CNKSR2: variants seen among roughly 807,000 people sequenced by gnomAD.
CNKSR2 encodes the protein connector enhancer of kinase suppressor of Ras 2, also known as CNK homolog protein 2.
In CNKSR2, 14 loss-of-function variants were observed where a neutral mutation model predicts 84.4. That is an observed-to-expected ratio of 0.17 (90% CI 0.11 to 0.26). The LOEUF (loss-of-function observed/expected upper bound fraction) is 0.26. Ranked by LOEUF, CNKSR2 falls within the 10% of genes least tolerant of loss-of-function variation. The pLI is 1.00. For missense variants in CNKSR2, 485 were observed against 771.2 expected (o/e 0.63, Z 4.40); for synonymous variants, 275 against 277.9 (o/e 0.99, Z 0.10).
At chrX:21,600,232 T>C (rs762674354) in intron 17 of CNKSR2, among the ~76,000 whole-genome samples, 18 of 112,299 alleles carry the variant, frequency 1.6e-4, no homozygotes, top group African/African-American at 5.5e-4. Context: ...TTGGCATAAA[T>C]GATGAAATAT....
At position 21,535,981 on chromosome X, in the gene CNKSR2, C is replaced by T. The variant is rs1418097565; in HGVS notation, c.1303+3914C>T. 3.6e-5 allele frequency among the ~76,000 whole-genome samples: 4 copies of T among 111,455 alleles called. No homozygotes were observed. In the East Asian group the frequency reaches 8.4e-4, roughly 24 times the overall value. On this transcript the variant is annotated intron_variant, in intron 11 of 21. Transcript: ENST00000379510. ...AAAAAGCTTTCCACTTTTCTCCATT[C>T]AATATAATGTTAGCTGTGGGATTGT...
intron 19 of CNKSR2, among the ~76,000 whole-genome samples, chrX:21,607,564 G>A (rs2092525111): frequency 9.0e-6 from 1 of 111,525 alleles, no homozygotes. Context: ...AGCACTTTGG[G>A]AGGCCAAGGC....
chrX:21,415,843 C>T (rs944538646), intron 1 of CNKSR2, among the ~76,000 whole-genome samples: 3 of 96,557 alleles, frequency 3.1e-5, no homozygotes, highest in African/African-American at 8.2e-5. Context: ...TACACACACA[C>T]ACACACACAC....
At chrX:21,580,538 TTAAAG>T (rs1349042458) in intron 13 of CNKSR2, among the ~76,000 whole-genome samples, 8 of 111,963 alleles carry the variant, frequency 7.1e-5, no homozygotes, top group South Asian at 3.6e-4. Context: ...AAAAATAAAG[TTAAAG>T]TAATCAGAAA....
intron 4 of CNKSR2, among the ~76,000 whole-genome samples, chrX:21,454,694 G>A (rs887344575): frequency 2.5e-4 from 28 of 111,998 alleles, no homozygotes; most frequent in Admixed American, 2.3e-3. Flanking sequence ...CCTGTGTGTC[G>A]CACTCACTGT....
At chrX:21,643,660 A>G (rs2092698354) in intron 20 of CNKSR2, 1 of 111,990 alleles carries the variant, frequency 8.9e-6, no homozygotes, top group South Asian at 3.7e-4. Context: ...TTCTTTACTC[A>G]GAGAAATTAT....
intron 4 of CNKSR2, among the ~76,000 whole-genome samples, chrX:21,452,761 A>ATTTTATTTTATTTTATT (rs1233088996): frequency 8.8e-4 from 71 of 81,048 alleles, no homozygotes; most frequent in African/African-American, 3.5e-3. Flanking sequence ...GACTTATTTT[A>ATTTTATTTTATTTTATT]TTTTATTTTA....
intron 4 of CNKSR2, among the ~76,000 whole-genome samples, chrX:21,450,661 T>C (rs971261743): frequency 1.4e-4 from 16 of 111,798 alleles, no homozygotes; most frequent in Admixed American, 5.7e-4. Context: ...CTTTGCACCC[T>C]TTATTTGAGT....
intron 4 of CNKSR2, among the ~76,000 whole-genome samples, chrX:21,454,778 T>C (rs1389485650): frequency 8.9e-6 from 1 of 112,234 alleles, no homozygotes; most frequent in Non-Finnish European, 1.9e-5. Context: ...GTTTGTATAA[T>C]ATTTTACAAT....
intron 13 of CNKSR2, among the ~76,000 whole-genome samples, chrX:21,572,844 A>G (rs1203181467): frequency 9.0e-6 from 1 of 110,875 alleles, no homozygotes; most frequent in Non-Finnish European, 1.9e-5. Context: ...GCCCCTCCCA[A>G]ATTTCATGTC....
Position 21,406,743 on chromosome X carries a change from G to A in CNKSR2, c.65-19754G>A, listed in dbSNP as rs777412443. On this transcript the variant is annotated intron_variant, in intron 1 of 21. Coordinates refer to ENST00000379510, the MANE Select transcript of CNKSR2 (RefSeq NM_014927.5). ...GTCAAGATCAGAAGAGGTAGGAGTA[G>A]GGGAGTCAATATCATGTCTCTTTAG... Among the ~76,000 whole-genome samples, 3 of 111,294 alleles carry A rather than the reference G, an allele frequency of 2.7e-5. No homozygotes were observed. The East Asian group carries it at 8.5e-4, about 32-fold the overall frequency.
At chrX:21,444,319 A>G (rs1485852867) in intron 4 of CNKSR2, among the ~76,000 whole-genome samples, 1 of 111,587 alleles carries the variant, frequency 9.0e-6, no homozygotes, top group African/African-American at 3.2e-5. Context: ...ATTCATGTAT[A>G]TGAATAGTAC....
chrX:21,634,184 A>G (rs1221498641), intron 20 of CNKSR2, among the ~76,000 whole-genome samples: 11 of 112,216 alleles, frequency 9.8e-5, no homozygotes, highest in Admixed American at 1.9e-4. Context: ...ATTGTTTATG[A>G]TGTAATTATT....
intron 1 of CNKSR2, among the ~76,000 whole-genome samples, chrX:21,413,709 G>A (rs2090376815): frequency 9.0e-6 from 1 of 110,806 alleles, no homozygotes; most frequent in Admixed American, 9.7e-5. Flanking sequence ...TTTGATATTT[G>A]TCTTTCTGTG....
intron 6 of CNKSR2, chrX:21,494,831 G>T (rs1284645612): frequency 1.8e-5 from 2 of 111,840 alleles, no homozygotes; most frequent in Non-Finnish European, 3.8e-5. Flanking sequence ...AAATTTCCTA[G>T]CTGTGCTTGA....
intron 8 of CNKSR2, among the ~76,000 whole-genome samples, chrX:21,508,664 G>A (rs1191508076): frequency 8.9e-6 from 1 of 111,854 alleles, no homozygotes. Flanking sequence ...TATTGGAAGG[G>A]GAGAAGGAAA....
At chrX:21,578,366 C>G (rs2092332308) in intron 13 of CNKSR2, among the ~76,000 whole-genome samples, 1 of 110,709 alleles carries the variant, frequency 9.0e-6, no homozygotes, top group Non-Finnish European at 1.9e-5. Flanking sequence ...CTGATAGTCT[C>G]CAGATAAGAG....
chrX:21,497,091 G>A (rs975745472), intron 6 of CNKSR2, among the ~76,000 whole-genome samples: 1 of 110,872 alleles, frequency 9.0e-6, no homozygotes, highest in Non-Finnish European at 1.9e-5. Context: ...CAGGATTTCT[G>A]TATAATTTTT....
intron 20 of CNKSR2, among the ~76,000 whole-genome samples, chrX:21,614,211 T>G (rs745509849): frequency 1.1e-4 from 12 of 111,195 alleles, no homozygotes; most frequent in Admixed American, 1.9e-4. Context: ...CTGAAGATTT[T>G]CTAAAGGTCA....
Sources: gnomAD v4.1 joint callset for allele counts (sites outside exome capture counted in the v4.1 genomes callset) on GRCh38, gnomAD v4.1.1 for gene constraint, MANE v1.5 for transcripts, NCBI Gene and HGNC (gene_info 2026-07-23, HGNC 2026-07-21) for gene names.